Variants in PTPN5 observed in about 807,000 individuals in gnomAD.
PTPN5 encodes the protein tyrosine-protein phosphatase non-receptor type 5.
Under a neutral mutation model 73.9 loss-of-function variants are expected in PTPN5, and 29 were observed. The observed-to-expected ratio is 0.39, with a 90% CI of 0.29 to 0.54. The LOEUF (loss-of-function observed/expected upper bound fraction) is 0.54. PTPN5 is among the 20% of genes least tolerant of loss of function. PTPN5 has a pLI of 0.65. For missense variants in PTPN5, 652 were observed against 751.4 expected (o/e 0.87, Z 1.55); for synonymous variants, 267 against 304.7 (o/e 0.88, Z 1.29).
chr11:18,764,934 G>A (rs561168008), intron 3 of PTPN5, among the ~76,000 whole-genome samples: 8 of 152,148 alleles, frequency 5.3e-5, no homozygotes, highest in East Asian at 3.9e-4. Context: ...GGATGGTCTC[G>A]ATCTCCTGAC....
rs796982860 is a variant in PTPN5, at chr11:18,768,042, CACTAT to C, written c.21-2164_21-2160del. The stretch of plus-strand genomic sequence containing the variant: ...CTGTGGCTTTCATGAAGGCAGGGTC[CACTAT>C]TTCTGTTTTATTTACCATTGTATCT... On this transcript the variant is annotated intron_variant, in intron 2 of 14. Transcript: ENST00000358540. Among the ~76,000 whole-genome samples the C allele has an allele frequency of 2.0e-5, 3 of 152,334 alleles. No homozygotes were observed. In the East Asian group the frequency reaches 5.8e-4, roughly 29 times the overall value.
At chr11:18,788,199 T>G (rs1274259242) in intron 1 of PTPN5, among the ~76,000 whole-genome samples, 1 of 152,192 alleles carries the variant, frequency 6.6e-6, no homozygotes, top group African/African-American at 2.4e-5. Flanking sequence ...CCCCAGTCCA[T>G]ACTCTCTTTA....
chr11:18,788,206 T>C (rs1185755229), intron 1 of PTPN5, among the ~76,000 whole-genome samples: 2 of 152,174 alleles, frequency 1.3e-5, no homozygotes. Flanking sequence ...CCATACTCTC[T>C]TTATCTCTCA....
intron 3 of PTPN5, 70 bp downstream of exon 3, chr11:18,765,737 C>T (rs999802249): frequency 7.4e-6 from 8 of 1,088,434 alleles, no homozygotes; most frequent in Admixed American, 4.0e-5. Flanking sequence ...TTACTCCAGC[C>T]CCAGCTTCAG....
Position 18,729,420 on chromosome 11 carries a change from CT to C in PTPN5, c.1604+32del. On this transcript the variant is annotated intron_variant, in intron 14 of 14. Coordinates refer to ENST00000358540, the MANE Select transcript of PTPN5 (RefSeq NM_006906.2). The surrounding 1 kb of genome is among the most constrained non-coding windows in gnomAD (Gnocchi z 5.2). ...TCTACCCGCTCGGGGCTCTAGCTCC[CT>C]TGTGTGTCCCCACTCCCGCCCGTGG... The C allele has an allele frequency of 9.4e-7, 1 of 1,062,292 alleles. No individual in the cohort carries two copies. The allele number at this position is 1,062,292 out of a possible 1,614,324, so 65.8% of individuals were successfully genotyped here. A position where few individuals can be genotyped will look rare whatever the true frequency, so the allele number is the denominator to read the frequency against.
chr11:18,789,129 G>A (rs551155047), intron 1 of PTPN5, among the ~76,000 whole-genome samples: 1 of 152,236 alleles, frequency 6.6e-6, no homozygotes, highest in African/African-American at 2.4e-5. Flanking sequence ...TGGATGATCT[G>A]AAGAAAGGAA....
intron 3 of PTPN5, among the ~76,000 whole-genome samples, chr11:18,753,508 G>A (rs1447323603): frequency 1.3e-5 from 2 of 152,106 alleles, no homozygotes; most frequent in Non-Finnish European, 2.9e-5. Flanking sequence ...CCTTGCCATG[G>A]CTAACAACAA....
intron 3 of PTPN5, among the ~76,000 whole-genome samples, chr11:18,761,853 G>A (rs1414660390): frequency 6.6e-6 from 1 of 152,186 alleles, no homozygotes; most frequent in Non-Finnish European, 1.5e-5. Context: ...AGAGGTGAGT[G>A]TGCAAGAGGA....
chr11:18,753,578 GTT>G (rs1461758061), intron 3 of PTPN5, among the ~76,000 whole-genome samples: 2 of 151,306 alleles, frequency 1.3e-5, no homozygotes, highest in African/African-American at 4.8e-5. Context: ...CCTTCTCCTA[GTT>G]TTCTCTGCTC....
intron 1 of PTPN5, among the ~76,000 whole-genome samples, chr11:18,789,248 A>AC (rs1395872167): frequency 6.6e-6 from 1 of 152,212 alleles, no homozygotes; most frequent in Non-Finnish European, 1.5e-5. Context: ...TACATACATC[A>AC]TTCTTGAGTC....
chr11:18,748,134 A>G (rs1245320961), intron 3 of PTPN5, among the ~76,000 whole-genome samples: 1 of 152,238 alleles, frequency 6.6e-6, no homozygotes, highest in Non-Finnish European at 1.5e-5. Flanking sequence ...AAGCCTAGTC[A>G]GGATTCTCAG....
At position 18,777,991 on chromosome 11, in the gene PTPN5, A is replaced by AAGGAAGGAAGGAAGGAAGG. The variant is rs1564929448; in HGVS notation, c.-113-5921_-113-5920insCCTTCCTTCCTTCCTTCCT. ...GGAAGGAAGGAAGAAAGAAAGAAAGAAAGGAAGGAAGGAAGGAAGGAAGGA... is the reference window on the plus strand; with the variant it reads ...GGAAGGAAGGAAGAAAGAAAGAAAGAAGGAAGGAAGGAAGGAAGGAAGGAAGGAAGGAAGGAAGGAAGGA... On this transcript the variant is annotated intron_variant, in intron 1 of 14. Coordinates refer to ENST00000358540, the MANE Select transcript of PTPN5 (RefSeq NM_006906.2). 6.5e-5 allele frequency among the ~76,000 whole-genome samples: 6 copies of AAGGAAGGAAGGAAGGAAGG among 92,568 alleles called. No individual in the cohort carries two copies. The South Asian group carries it at 2.6e-3, about 39-fold the overall frequency. 60.7% of individuals were successfully genotyped at this position (92,568 alleles called of 152,430 possible).
At position 18,729,500 on chromosome 11, in the gene PTPN5, C is replaced by T; in HGVS notation, c.1557G>A (p.Glu519=). 1 of 1,601,244 alleles carries T rather than the reference C, an allele frequency of 6.2e-7. No homozygotes were observed. Among genetic ancestry groups the T allele is most frequent in the Non-Finnish European group, 8.5e-7 (1 of 1,174,338 alleles). Residue 519 remains glutamate (E), a synonymous_variant, in exon 14 of 15, where the codon GAG becomes GAA. Transcript: ENST00000358540. The surrounding 1 kb of genome is among the most constrained non-coding windows in gnomAD (Gnocchi z 5.2). ...TSICCQQLRQ[E]GVVDILKTTC... Reference sequence around the variant, plus strand: ...TGGTCTTCAGGATGTCCACCACACCCTCCTGCCGCAGCTGCTGGCAGCAGA... The same window carrying T: ...TGGTCTTCAGGATGTCCACCACACCTTCCTGCCGCAGCTGCTGGCAGCAGA...
At chr11:18,749,049 C>T (rs1044534343) in intron 3 of PTPN5, among the ~76,000 whole-genome samples, 3 of 152,220 alleles carry the variant, frequency 2.0e-5, no homozygotes, top group Non-Finnish European at 4.4e-5. Context: ...TGGGCTGGCT[C>T]TCTGCAGTTC....
chr11:18,765,782 G>A (rs1192569531), intron 3 of PTPN5, 25 bp downstream of exon 3: 2 of 1,502,732 alleles, frequency 1.3e-6, no homozygotes, highest in South Asian at 2.4e-5. Flanking sequence ...AGGTCTGGGA[G>A]GAGCTGGGTG....
At chr11:18,770,532 T>C (rs1850836735) in intron 2 of PTPN5, among the ~76,000 whole-genome samples, 1 of 152,254 alleles carries the variant, frequency 6.6e-6, no homozygotes, top group African/African-American at 2.4e-5. Context: ...GATGTTTTAT[T>C]TATCTATTCA....
chr11:18,769,863 G>A (rs1850799054), intron 2 of PTPN5, among the ~76,000 whole-genome samples: 1 of 152,210 alleles, frequency 6.6e-6, no homozygotes, highest in Non-Finnish European at 1.5e-5. Context: ...GCAGCAGATG[G>A]GGGCTAGGCC....
At chr11:18,768,515 T>C (rs987973228) in intron 2 of PTPN5, among the ~76,000 whole-genome samples, 1 of 152,164 alleles carries the variant, frequency 6.6e-6, no homozygotes, top group African/African-American at 2.4e-5. Context: ...TCCAGATACC[T>C]CTGGAAGGGG....
rs764369042 is a variant in PTPN5, at chr11:18,740,672, G to A, written c.846C>T (p.Ser282=). The change falls in exon 8 of 15, where the codon TCC becomes TCT. Residue 282 remains serine (S), a synonymous_variant. Transcript: ENST00000358540. ...GAAGCTCTTCTGCTTGGAGGACACG[G>A]GAGGCGCTGAGCAGGTACTCGCGGG... ...ESAREYLLSA[S]RVLQAEELHE... is the part of the protein sequence containing the mutation. 1 of 1,606,914 alleles carries A rather than the reference G, an allele frequency of 6.2e-7. No homozygotes were observed. The highest frequency in any genetic ancestry group is 2.3e-5 in the East Asian group (1 of 44,258).
Sources: gnomAD v4.1 joint callset for allele counts (sites outside exome capture counted in the v4.1 genomes callset) on GRCh38, gnomAD v4.1.1 for gene constraint, Gnocchi (gnomAD v3.1) non-coding constraint, MANE v1.5 for transcripts, NCBI Gene and HGNC (gene_info 2026-07-23, HGNC 2026-07-21) for gene names.